Variants in DBF4 observed in about 807,000 individuals in gnomAD.
DBF4 encodes DBF4-CDC7 kinase regulatory subunit.
A neutral mutation model predicts 76.6 loss-of-function variants in DBF4; 25 were observed. The ratio of observed to expected loss-of-function variants is 0.33; its 90% CI spans 0.24 to 0.46. The LOEUF is 0.46. Among genes scored for constraint, DBF4 ranks in the 20% least tolerant of loss-of-function variants. The probability of loss-of-function intolerance (pLI) is 1.00; values close to 1 mark genes in which losing one functional copy is unlikely to be tolerated. For missense variants in DBF4, 638 were observed against 760.8 expected (o/e 0.84, Z 1.90); for synonymous variants, 213 against 258.0 (o/e 0.83, Z 1.67).
At chr7:87,880,025 A>T (rs1331960126) in intron 2 of DBF4, among the ~76,000 whole-genome samples, 1 of 152,138 alleles carries the variant, frequency 6.6e-6, no homozygotes, top group East Asian at 1.9e-4. Flanking sequence ...AATATGATGA[A>T]CAACCCATTA....
chr7:87,896,372 C>T, intron 6 of DBF4, 102 bp from the exon 7 acceptor site: 2 of 904,712 alleles, frequency 2.2e-6, no homozygotes, highest in South Asian at 1.5e-5. Flanking sequence ...TGATATAGCA[C>T]TTTTCTGCAT....
In DBF4 at chr7:87,907,368, G is replaced by A. The variant is rs770710779; in HGVS notation, c.1230G>A (p.Leu410=). The A allele has an allele frequency of 1.9e-6, 3 of 1,613,864 alleles. No homozygotes were observed. The highest frequency in any genetic ancestry group is 1.7e-5 in the Admixed American group (1 of 59,982). The change falls in exon 12 of 12, where the codon CTG becomes CTA. Residue 410 remains leucine, a synonymous_variant. Coordinates refer to ENST00000265728, the MANE Select transcript of DBF4 (RefSeq NM_006716.4). ...KETQETEKKL[L]FISEPIPHPS... is the part of the protein sequence containing the mutation. The stretch of plus-strand genomic sequence containing the variant: ...CCCAGGAAACTGAAAAAAAGCTCCT[G>A]TTTATTTCAGAGCCCATCCCCCACC...
At chr7:87,890,365 C>T (rs1426445342) in intron 6 of DBF4, among the ~76,000 whole-genome samples, 3 of 152,180 alleles carry the variant, frequency 2.0e-5, no homozygotes, top group Non-Finnish European at 4.4e-5. Context: ...AAACCCCCAT[C>T]TCTACTAAAA....
chr7:87,885,543 T>A (rs1376887424), intron 3 of DBF4, among the ~76,000 whole-genome samples: 1 of 152,248 alleles, frequency 6.6e-6, no homozygotes, highest in East Asian at 1.9e-4. Flanking sequence ...TTGTACAACC[T>A]GCAGGTTAAG....
At chr7:87,891,960 CTT>C (rs1173683717) in intron 6 of DBF4, among the ~76,000 whole-genome samples, 1 of 152,170 alleles carries the variant, frequency 6.6e-6, no homozygotes, top group Non-Finnish European at 1.5e-5. Context: ...TATCAATAGA[CTT>C]TATTTTTTTA....
At chr7:87,893,142 G>C (rs1376097072) in intron 6 of DBF4, among the ~76,000 whole-genome samples, 2 of 151,756 alleles carry the variant, frequency 1.3e-5, no homozygotes, top group Non-Finnish European at 2.9e-5. Flanking sequence ...AAATTACCAA[G>C]TAAAATTGTG....
chr7:87,888,334 C>T (rs1839412167), intron 6 of DBF4: 1 of 983,264 alleles, frequency 1.0e-6, no homozygotes. Flanking sequence ...GTAGAAAAAT[C>T]ACTAAAATCA....
chr7:87,883,557 C>A (rs1839270135), intron 2 of DBF4, among the ~76,000 whole-genome samples: 1 of 152,076 alleles, frequency 6.6e-6, no homozygotes, highest in Non-Finnish European at 1.5e-5. Context: ...GTATTATTGC[C>A]TGGCCCTTAT....
rs966222892 is a variant in DBF4, at chr7:87,876,512, C to T, written c.-221C>T. The T allele has an allele frequency of 9.1e-6, 5 of 548,792 alleles. No individual in the cohort carries two copies. Among genetic ancestry groups the T allele is most frequent in the African/African-American group, 5.7e-5 (3 of 52,360 alleles). 34.0% of individuals were successfully genotyped at this position (548,792 alleles called of 1,614,324 possible). A position where few individuals can be genotyped will look rare whatever the true frequency, so the allele number is the denominator to read the frequency against. On this transcript the variant is annotated 5_prime_UTR_variant, in exon 1 of 12. Transcript: ENST00000265728. Reference sequence around the variant, plus strand: ...GTTTTCAAATCTTCAACCGCCGCAGCCCACTCGTTTGTGCTTTGCGCCTTC... The same window carrying T: ...GTTTTCAAATCTTCAACCGCCGCAGTCCACTCGTTTGTGCTTTGCGCCTTC...
At chr7:87,887,842 AGAG>A (rs1484990893) in intron 5 of DBF4, 138 bp from the exon 6 acceptor site, 4 of 814,878 alleles carry the variant, frequency 4.9e-6, no homozygotes, top group Non-Finnish European at 7.1e-6. Flanking sequence ...CATGAGTTTT[AGAG>A]GAGACAAACA....
Position 87,908,121 on chromosome 7 carries a change from G to A in DBF4, c.1983G>A (p.Ala661=), listed in dbSNP as rs759357712. Residue 661 remains alanine (A), a synonymous_variant, in exon 12 of 12, where the codon GCG becomes GCA. Transcript: ENST00000265728. Reference sequence around the variant, plus strand: ...AAAATTCAGATAATCTGTTAACAGCGTTTTTCTCGTCCCCTTCAACTTCTA... The same window carrying A: ...AAAATTCAGATAATCTGTTAACAGCATTTTTCTCGTCCCCTTCAACTTCTA... ...EEENSDNLLT[A]FFSSPSTSTF... 32 of 1,604,908 alleles carry A rather than the reference G, an allele frequency of 2.0e-5. No homozygotes were observed. The highest frequency in any genetic ancestry group is 1.3e-4 in the East Asian group (6 of 44,730).
intron 11 of DBF4, 136 bp downstream of exon 11, chr7:87,904,552 C>T (rs1438123182): frequency 9.6e-7 from 1 of 1,045,768 alleles, no homozygotes; most frequent in Non-Finnish European, 1.3e-6. Context: ...CCAGCCTAGC[C>T]AACATGGCAA....
chr7:87,905,026 C>G lies in DBF4; in HGVS notation c.1049+610C>G, dbSNP rs143554571. On this transcript the variant is annotated intron_variant, in intron 11 of 11. Transcript: ENST00000265728. ...AGTGCAGTTGCATAATCTTGGCTCA[C>G]TGCAACCTCTGCCTCCCAGGTACAA... Among the ~76,000 whole-genome samples the G allele has an allele frequency of 5.0e-3, 759 of 152,268 alleles. 7 individuals are homozygous for G. The highest frequency in any genetic ancestry group is 0.017 in the African/African-American group (726 of 41,548).
At chr7:87,900,681 G>A (rs1014737668) in intron 9 of DBF4, 83 bp from the exon 10 acceptor site, 2 of 1,116,070 alleles carry the variant, frequency 1.8e-6, no homozygotes, top group African/African-American at 1.6e-5. Context: ...TGCAGATTGT[G>A]TGTGATAGTT....
chr7:87,886,103 A>G (rs1277663860), intron 3 of DBF4, among the ~76,000 whole-genome samples: 1 of 152,174 alleles, frequency 6.6e-6, no homozygotes, highest in Non-Finnish European at 1.5e-5. Flanking sequence ...AGAAGAAAGA[A>G]TGGAAAAGAG....
intron 2 of DBF4, among the ~76,000 whole-genome samples, chr7:87,882,866 G>A (rs1177892645): frequency 2.6e-5 from 4 of 152,050 alleles, no homozygotes; most frequent in African/African-American, 7.2e-5. Context: ...AGTGTAACAC[G>A]ATATAGCCAC....
In DBF4 at chr7:87,876,586, G is replaced by A. The variant is rs1839042749; in HGVS notation, c.-147G>A. 7.0e-6 allele frequency: 6 copies of A among 854,856 alleles called. No individual in the cohort carries two copies. The Admixed American group carries it at 9.6e-5, about 14-fold the overall frequency. 53.0% of individuals were successfully genotyped at this position (854,856 alleles called of 1,614,324 possible). On this transcript the variant is annotated 5_prime_UTR_variant, in exon 1 of 12. Coordinates refer to ENST00000265728, the MANE Select transcript of DBF4 (RefSeq NM_006716.4). ...TCCGGCCCCGGAAACCCGACCTGCA[G>A]ACGCGGTACCTCTACTGCGTAGAGG...
chr7:87,893,058 A>G (rs1258067898), intron 6 of DBF4, among the ~76,000 whole-genome samples: 1 of 152,100 alleles, frequency 6.6e-6, no homozygotes, highest in Non-Finnish European at 1.5e-5. Flanking sequence ...AGCGTTGCTC[A>G]TGTTTTCTGT....
intron 1 of DBF4, 92 bp from the exon 2 acceptor site, chr7:87,877,961 A>G (rs1170668059): frequency 9.5e-7 from 1 of 1,054,676 alleles, no homozygotes; most frequent in African/African-American, 1.6e-5. Flanking sequence ...TAGGGTTGTA[A>G]GGATTTTTAT....
Sources: allele counts gnomAD v4.1 joint callset (sites outside exome capture counted in the v4.1 genomes callset), GRCh38; gene constraint gnomAD v4.1.1; transcripts MANE v1.5; gene names NCBI Gene and HGNC (gene_info 2026-07-23, HGNC 2026-07-21).